Variants in PTPRT observed in about 807,000 individuals in gnomAD.
The protein encoded by PTPRT is receptor-type tyrosine-protein phosphatase T.
In PTPRT, 56 loss-of-function variants were observed where a neutral mutation model predicts 176.8. That is an observed-to-expected ratio of 0.32 (90% CI 0.26 to 0.40). The LOEUF (loss-of-function observed/expected upper bound fraction) is 0.40, where lower values mean the gene tolerates loss of function less well. Ranked by LOEUF, PTPRT falls within the 10% of genes least tolerant of loss-of-function variation. The pLI is 1.00. For synonymous variants in PTPRT, 783 were observed against 739.0 expected, an observed-to-expected ratio of 1.06 and a Z score of -0.96; for missense variants, 1,540 against 1,908.2, an observed-to-expected ratio of 0.81 and a Z score of 3.60.
At chr20:42,926,584 G>A (rs1431906084) in intron 1 of PTPRT, among the ~76,000 whole-genome samples, 1 of 152,052 alleles carries the variant, frequency 6.6e-6, no homozygotes, top group Non-Finnish European at 1.5e-5. Context: ...CCCTCTGGTG[G>A]GATGACTTCC....
chr20:42,314,602 C>A (rs1425803647), intron 12 of PTPRT, among the ~76,000 whole-genome samples: 1 of 146,158 alleles, frequency 6.8e-6, no homozygotes, highest in Non-Finnish European at 1.5e-5. Context: ...ATGGAAAATA[C>A]AAACTTGTGT....
At chr20:42,934,505 A>G (rs1980053598) in intron 1 of PTPRT, among the ~76,000 whole-genome samples, 2 of 152,142 alleles carry the variant, frequency 1.3e-5, no homozygotes, top group Admixed American at 6.5e-5. Flanking sequence ...ACAAGGCTGT[A>G]ATCAAGATGT....
intron 1 of PTPRT, among the ~76,000 whole-genome samples, chr20:43,143,233 G>A (rs1386343179): frequency 1.3e-5 from 2 of 152,152 alleles, no homozygotes; most frequent in Admixed American, 1.3e-4. Flanking sequence ...CTTAGACAAA[G>A]GTAAGTGGTG....
intron 12 of PTPRT, among the ~76,000 whole-genome samples, chr20:42,284,557 C>G (rs2057196745): frequency 6.6e-6 from 1 of 151,976 alleles, no homozygotes; most frequent in Admixed American, 6.6e-5. Flanking sequence ...TACTAGATTC[C>G]TTCTTCCACG....
chr20:42,848,594 C>A lies in PTPRT; in HGVS notation c.214+37213G>T, dbSNP rs557129419. On this transcript the variant is annotated intron_variant, in intron 2 of 30. Transcript: ENST00000373187. ...TCATTAGTGATGTTGAGCATTTTTT[C>A]ATATGTTTGTTGGCCATTTGTATAT... is the stretch of plus-strand genomic sequence containing the variant. 5.3e-5 allele frequency among the ~76,000 whole-genome samples: 8 copies of A among 152,222 alleles called. No homozygotes were observed. The East Asian group carries it at 1.5e-3, about 29-fold the overall frequency.
intron 6 of PTPRT, among the ~76,000 whole-genome samples, chr20:42,679,677 T>C (rs989942981): frequency 6.6e-6 from 1 of 151,980 alleles, no homozygotes; most frequent in African/African-American, 2.4e-5. Flanking sequence ...ATAGACCCAA[T>C]GTAGATTCAT....
intron 12 of PTPRT, among the ~76,000 whole-genome samples, chr20:42,288,239 C>T (rs2057263244): frequency 6.6e-6 from 1 of 151,950 alleles, no homozygotes; most frequent in African/African-American, 2.4e-5. Flanking sequence ...TTCCCTCATG[C>T]TTCTTCTGGT....
chr20:42,803,745 C>T (rs2077564725), intron 2 of PTPRT, among the ~76,000 whole-genome samples: 2 of 152,198 alleles, frequency 1.3e-5, no homozygotes, highest in African/African-American at 2.4e-5. Flanking sequence ...GTAGAGACAG[C>T]ATTTCACCAT....
At chr20:42,881,185 C>G (rs1259920973) in intron 2 of PTPRT, among the ~76,000 whole-genome samples, 1 of 152,188 alleles carries the variant, frequency 6.6e-6, no homozygotes, top group Non-Finnish European at 1.5e-5. Context: ...CACACTCATG[C>G]AGACATCCTC....
chr20:42,729,414 T>G (rs1042991540), intron 6 of PTPRT, among the ~76,000 whole-genome samples: 2 of 152,232 alleles, frequency 1.3e-5, no homozygotes, highest in Non-Finnish European at 2.9e-5. Context: ...ATCAAGGCTT[T>G]TCTTTTCCAC....
chr20:42,708,305 C>T (rs1358738678), intron 6 of PTPRT, among the ~76,000 whole-genome samples: 1 of 152,084 alleles, frequency 6.6e-6, no homozygotes, highest in Non-Finnish European at 1.5e-5. Context: ...TTCTTGCCCC[C>T]AGCCCACATT....
intron 9 of PTPRT, among the ~76,000 whole-genome samples, chr20:42,432,735 C>A (rs6030230): frequency 0.26 from 38,804 of 152,034 alleles, 5,610 homozygotes; most frequent in African/African-American, 0.39. Flanking sequence ...TTAGACAGAG[C>A]CTTACTCCTT....
intron 1 of PTPRT, among the ~76,000 whole-genome samples, chr20:43,142,175 C>T (rs1223191060): frequency 6.6e-6 from 1 of 152,190 alleles, no homozygotes; most frequent in African/African-American, 2.4e-5. Context: ...CCTGGAACAG[C>T]ACAGCAAAGA....
At position 42,645,905 on chromosome 20, in the gene PTPRT, G is replaced by A. The variant is rs142607785; in HGVS notation, c.1153+31961C>T. Among the ~76,000 whole-genome samples the A allele has an allele frequency of 1.7e-3, 255 of 152,116 alleles. 1 individual carries two copies. The highest frequency in any genetic ancestry group is 5.8e-3 in the African/African-American group (241 of 41,462). Reference sequence around the variant, plus strand: ...GAAACTCAGTGAGTTTTATAGAAATGTGCTGGAGATGCTTCAATTACTTTC... The same window carrying A: ...GAAACTCAGTGAGTTTTATAGAAATATGCTGGAGATGCTTCAATTACTTTC... On this transcript the variant is annotated intron_variant, in intron 7 of 30. Coordinates refer to ENST00000373187, the MANE Select transcript of PTPRT (RefSeq NM_007050.6).
At chr20:42,143,374 G>A (rs922569182) in intron 17 of PTPRT, among the ~76,000 whole-genome samples, 1 of 152,014 alleles carries the variant, frequency 6.6e-6, no homozygotes, top group Non-Finnish European at 1.5e-5. Context: ...GCTTAACACG[G>A]TGAAACCCAG....
At chr20:42,591,077 G>T (rs2073564741) in intron 7 of PTPRT, among the ~76,000 whole-genome samples, 1 of 151,206 alleles carries the variant, frequency 6.6e-6, no homozygotes, top group Non-Finnish European at 1.5e-5. Context: ...AATGCAAAAA[G>T]AAATCCCAAT....
At chr20:42,445,811 A>G (rs1414685673) in intron 9 of PTPRT, among the ~76,000 whole-genome samples, 2 of 152,212 alleles carry the variant, frequency 1.3e-5, no homozygotes, top group Non-Finnish European at 2.9e-5. Context: ...ACAAGGCATC[A>G]GATTCACACA....
intron 1 of PTPRT, among the ~76,000 whole-genome samples, chr20:43,133,350 C>A (rs989348257): frequency 6.6e-6 from 1 of 152,154 alleles, no homozygotes; most frequent in Non-Finnish European, 1.5e-5. Context: ...CTTCTTCATG[C>A]AAGTTACAGC....
chr20:42,360,806 T>A (rs1469017334), intron 9 of PTPRT, among the ~76,000 whole-genome samples: 4 of 152,200 alleles, frequency 2.6e-5, no homozygotes, highest in African/African-American at 9.7e-5. Flanking sequence ...CCTGCAGCCA[T>A]ACTAACAGCC....
Sources: gnomAD v4.1 joint callset for allele counts (sites outside exome capture counted in the v4.1 genomes callset) on GRCh38, gnomAD v4.1.1 for gene constraint, MANE v1.5 for transcripts, NCBI Gene and HGNC (gene_info 2026-07-23, HGNC 2026-07-21) for gene names.